FANCC: variants seen among roughly 807,000 people sequenced by gnomAD.
FANCC encodes the protein Fanconi anemia group C protein.
A neutral mutation model predicts 71.3 loss-of-function variants in FANCC; 55 were observed. The observed-to-expected ratio is 0.77, with a 90% CI of 0.62 to 0.97. The LOEUF (loss-of-function observed/expected upper bound fraction) is 0.97, where lower values mean the gene tolerates loss of function less well. Ranked by LOEUF, FANCC falls within the 50% of genes least tolerant of loss-of-function variation. The pLI, the probability that FANCC is intolerant of heterozygous loss-of-function variation, is 0.00. For missense variants in FANCC, 678 were observed against 670.9 expected, an observed-to-expected ratio of 1.01 and a Z score of -0.12; for synonymous variants, 275 against 244.9, an observed-to-expected ratio of 1.12 and a Z score of -1.15.
chr9:95,115,201 C>G (rs2072292016), intron 11 of FANCC, among the ~76,000 whole-genome samples: 1 of 152,190 alleles, frequency 6.6e-6, no homozygotes. Context: ...CTTGGCCTCC[C>G]AAAGTGCTGG....
chr9:95,286,021 A>C (rs371907138), intron 1 of FANCC, among the ~76,000 whole-genome samples: 3 of 152,352 alleles, frequency 2.0e-5, no homozygotes, highest in African/African-American at 7.2e-5. Flanking sequence ...TTTCAGAAAA[A>C]TATGACTTAA....
chr9:95,105,507 T>A (rs944100383), intron 14 of FANCC, among the ~76,000 whole-genome samples: 1 of 152,232 alleles, frequency 6.6e-6, no homozygotes, highest in South Asian at 2.1e-4. Flanking sequence ...AGATGAGTAT[T>A]TTTTTAAATT....
chr9:95,114,679 C>T lies in FANCC; in HGVS notation c.1104G>A (p.Leu368=), dbSNP rs768286785. The change falls in exon 12 of 15, where the codon CTG becomes CTA. Residue 368 remains leucine, a synonymous_variant. Coordinates refer to ENST00000289081, the MANE Select transcript of FANCC (RefSeq NM_000136.3). ...DIPRGHWLQT[L]KHISELLREA... is the part of the protein sequence containing the mutation. ...CTCTGAGCAGTTCAGAAATATGCTT[C>T]AGTGTCTGGAGCCAGTGTCCCCGAG... The T allele has an allele frequency of 1.9e-6, 3 of 1,614,178 alleles. No homozygotes were observed. Among genetic ancestry groups the T allele is most frequent in the Middle Eastern group, 1.6e-4 (1 of 6,062 alleles).
intron 7 of FANCC, among the ~76,000 whole-genome samples, chr9:95,139,530 G>A (rs577486398): frequency 1.2e-4 from 18 of 152,202 alleles, no homozygotes; most frequent in African/African-American, 2.6e-4. Context: ...CGGGGATGGC[G>A]GAACAGAGTG....
intron 6 of FANCC, among the ~76,000 whole-genome samples, chr9:95,150,842 C>G (rs1830132183): frequency 2.0e-5 from 3 of 152,210 alleles, no homozygotes; most frequent in Admixed American, 2.0e-4. Context: ...GCCTGAAATA[C>G]ATGATTAGCT....
At chr9:95,226,031 C>G (rs1036606559) in intron 4 of FANCC, among the ~76,000 whole-genome samples, 2 of 152,296 alleles carry the variant, frequency 1.3e-5, no homozygotes, top group Admixed American at 1.3e-4. Flanking sequence ...GTAATTTCCA[C>G]ATTTTCCAGA....
intron 1 of FANCC, among the ~76,000 whole-genome samples, chr9:95,268,179 A>AC (rs1832501682): frequency 6.6e-6 from 1 of 152,234 alleles, no homozygotes; most frequent in Non-Finnish European, 1.5e-5. Flanking sequence ...GAAAAAGCAG[A>AC]CCCTGAAATG....
chr9:95,198,025 G>A (rs1168558296), intron 4 of FANCC, among the ~76,000 whole-genome samples: 2 of 152,144 alleles, frequency 1.3e-5, no homozygotes, highest in African/African-American at 2.4e-5. Flanking sequence ...ATAATCACGG[G>A]TTGAGACTCA....
chr9:95,292,837 G>A, intron 1 of FANCC: 2 of 1,584,612 alleles, frequency 1.3e-6, no homozygotes, highest in South Asian at 1.1e-5. Flanking sequence ...CACAAATGTA[G>A]CAAGTGCAGC....
At chr9:95,237,779 C>T (rs1830408072) in intron 4 of FANCC, among the ~76,000 whole-genome samples, 2 of 151,958 alleles carry the variant, frequency 1.3e-5, no homozygotes, top group African/African-American at 2.4e-5. Context: ...AGATACAACA[C>T]GTAGATATAA....
intron 6 of FANCC, among the ~76,000 whole-genome samples, chr9:95,157,560 G>A (rs1265583486): frequency 6.6e-6 from 1 of 152,188 alleles, no homozygotes; most frequent in Non-Finnish European, 1.5e-5. Context: ...GCAGTACATG[G>A]TTACCGTCTA....
chr9:95,156,842 T>A (rs1382916372), intron 6 of FANCC, among the ~76,000 whole-genome samples: 1 of 152,206 alleles, frequency 6.6e-6, no homozygotes, highest in East Asian at 1.9e-4. Flanking sequence ...TTGCTGTCAT[T>A]AATAATAACA....
intron 1 of FANCC, among the ~76,000 whole-genome samples, chr9:95,261,940 C>T (rs2136172797): frequency 6.6e-6 from 1 of 152,226 alleles, no homozygotes; most frequent in African/African-American, 2.4e-5. Context: ...AGCCATGGGG[C>T]CATGCAAACA....
intron 1 of FANCC, among the ~76,000 whole-genome samples, chr9:95,315,717 G>T (rs1276966872): frequency 1.3e-5 from 2 of 152,278 alleles, no homozygotes; most frequent in South Asian, 4.1e-4. Context: ...TTTCCAGCCC[G>T]ATTTGAGGCC....
In FANCC at chr9:95,245,758, G is replaced by A. The variant is rs147082469; in HGVS notation, c.250+1674C>T. ...TTAAAAATGCAAAAATCAGCTGGGT[G>A]TGGTGGCAGGCACCTGTAATCCCAG... On this transcript the variant is annotated intron_variant, in intron 3 of 14. Transcript: ENST00000289081. Among the ~76,000 whole-genome samples, 261 of 151,918 alleles carry A rather than the reference G, an allele frequency of 1.7e-3. 2 individuals carry two copies. Among genetic ancestry groups the A allele is most frequent in the African/African-American group, 6.0e-3 (250 of 41,462 alleles).
chr9:95,260,353 T>C (rs1326249495), intron 1 of FANCC, among the ~76,000 whole-genome samples: 1 of 152,176 alleles, frequency 6.6e-6, no homozygotes, highest in Non-Finnish European at 1.5e-5. Context: ...TGGAATGCTA[T>C]GCAGCCATAA....
intron 4 of FANCC, among the ~76,000 whole-genome samples, chr9:95,184,182 A>T (rs1255155874): frequency 1.3e-5 from 2 of 152,136 alleles, no homozygotes; most frequent in Non-Finnish European, 2.9e-5. Context: ...TTATTTACAT[A>T]ATTATGGCAT....
intron 4 of FANCC, among the ~76,000 whole-genome samples, chr9:95,188,017 G>T (rs1456292389): frequency 6.6e-6 from 1 of 151,208 alleles, no homozygotes; most frequent in East Asian, 2.1e-4. Flanking sequence ...AAATCGCCCG[G>T]CTAGAGATCT....
chr9:95,187,675 C>T (rs969090000), intron 4 of FANCC, among the ~76,000 whole-genome samples: 4 of 151,950 alleles, frequency 2.6e-5, no homozygotes, highest in South Asian at 2.1e-4. Flanking sequence ...CAGCCACAGA[C>T]CTGACTATAG....
Sources: allele counts gnomAD v4.1 joint callset (sites outside exome capture counted in the v4.1 genomes callset), GRCh38; gene constraint gnomAD v4.1.1; transcripts MANE v1.5; gene names NCBI Gene and HGNC (gene_info 2026-07-23, HGNC 2026-07-21).